The following FAM227B variants were observed in gnomAD, a reference collection of about 807,000 sequenced individuals.
FAM227B encodes protein FAM227B.
In FAM227B, 88 loss-of-function variants were observed where a neutral mutation model predicts 73.8. The ratio of observed to expected loss-of-function variants is 1.19; its 90% CI spans 1.00 to 1.42. The LOEUF is 1.42. Among genes scored for constraint, FAM227B ranks in the 40% most tolerant of loss-of-function variants. The probability of loss-of-function intolerance (pLI) is 0.00; values close to 1 mark genes in which losing one functional copy is unlikely to be tolerated. For missense variants in FAM227B, 632 were observed against 590.9 expected (o/e 1.07, Z -0.72); for synonymous variants, 210 against 190.5 (o/e 1.10, Z -0.84).
chr15:49,434,170 G>C (rs186668249), intron 11 of FAM227B, among the ~76,000 whole-genome samples: 9 of 151,584 alleles, frequency 5.9e-5, no homozygotes, highest in African/African-American at 2.2e-4. Context: ...CATAGGCCTA[G>C]TTTATCTGGT....
intron 14 of FAM227B, 147 bp downstream of exon 14, chr15:49,335,272 T>C: frequency 3.4e-6 from 2 of 585,490 alleles, no homozygotes; most frequent in South Asian, 2.2e-5. Context: ...CCCTTGACAC[T>C]TACCTGAAAA....
At chr15:49,396,692 G>C (rs1370009489) in intron 11 of FAM227B, among the ~76,000 whole-genome samples, 1 of 151,142 alleles carries the variant, frequency 6.6e-6, no homozygotes, top group African/African-American at 2.4e-5. Flanking sequence ...CCTGACCCCT[G>C]ACCCCCGAGC....
intron 11 of FAM227B, among the ~76,000 whole-genome samples, chr15:49,454,845 G>A (rs894427822): frequency 4.6e-5 from 7 of 152,010 alleles, no homozygotes; most frequent in African/African-American, 1.4e-4. Flanking sequence ...TCCTGACCTC[G>A]TGATCCGCTC....
chr15:49,566,760 T>G (rs370552191), intron 9 of FAM227B, among the ~76,000 whole-genome samples: 1 of 152,208 alleles, frequency 6.6e-6, no homozygotes, highest in African/African-American at 2.4e-5. Context: ...AGGAGTCTAA[T>G]CATTAAGTAC....
intron 3 of FAM227B, among the ~76,000 whole-genome samples, chr15:49,592,612 G>T (rs2076649066): frequency 6.6e-6 from 1 of 152,202 alleles, no homozygotes. Context: ...CCCCTACTGG[G>T]AGGTGTCTCC....
rs188604110 is a variant in FAM227B at position 49,524,427 on chromosome 15, C to T, written c.875-16079G>A. Among the ~76,000 whole-genome samples the T allele has an allele frequency of 2.9e-3, 434 of 152,272 alleles. 6 individuals are homozygous for T. The highest frequency in any genetic ancestry group is 0.026 in the South Asian group (127 of 4,820). On this transcript the variant is annotated intron_variant, in intron 10 of 15. Transcript: ENST00000299338. Reference sequence around the variant, plus strand: ...AAGAATTGAGGTTTGGGAACGTCCGCCTAGATTTCATAGGATGTATGGAAA... The same window carrying T: ...AAGAATTGAGGTTTGGGAACGTCCGTCTAGATTTCATAGGATGTATGGAAA...
At chr15:49,490,348 A>G (rs928557509) in intron 11 of FAM227B, among the ~76,000 whole-genome samples, 4 of 151,924 alleles carry the variant, frequency 2.6e-5, no homozygotes, top group African/African-American at 9.7e-5. Flanking sequence ...TCTCAAACAG[A>G]GCAGCCAAAG....
chr15:49,462,797 T>G (rs946901376), intron 11 of FAM227B, among the ~76,000 whole-genome samples: 4 of 152,214 alleles, frequency 2.6e-5, no homozygotes, highest in Non-Finnish European at 5.9e-5. Context: ...TAGTGAAGAC[T>G]TTGGCATGTA....
intron 11 of FAM227B, among the ~76,000 whole-genome samples, chr15:49,499,824 G>T (rs2152085984): frequency 6.6e-6 from 1 of 152,222 alleles, no homozygotes; most frequent in East Asian, 1.9e-4. Context: ...GATTCTTAAT[G>T]TTTATACATA....
chr15:49,398,011 T>G (rs1314691822), intron 11 of FAM227B, among the ~76,000 whole-genome samples: 2 of 152,132 alleles, frequency 1.3e-5, no homozygotes, highest in Non-Finnish European at 2.9e-5. Flanking sequence ...TAACTTTAAA[T>G]GTAAATGGAC....
chr15:49,512,181 T>C (rs1006008869), intron 10 of FAM227B, among the ~76,000 whole-genome samples: 1 of 152,174 alleles, frequency 6.6e-6, no homozygotes, highest in Admixed American at 6.5e-5. Flanking sequence ...TTGATCATAG[T>C]TTCTAATGCA....
intron 6 of FAM227B, chr15:49,577,371 A>G (rs2075521894): frequency 4.8e-6 from 2 of 416,060 alleles, no homozygotes; most frequent in African/African-American, 2.1e-5. Flanking sequence ...GCACATTCAT[A>G]TGTCATATCT....
In FAM227B at chr15:49,570,508, T is replaced by C. The variant is rs35845800; in HGVS notation, c.646-2162A>G. 1.8e-3 allele frequency among the ~76,000 whole-genome samples: 272 copies of C among 152,022 alleles called. 1 individual carries two copies. The highest frequency in any genetic ancestry group is 3.4e-3 in the Non-Finnish European group (230 of 67,828). On this transcript the variant is annotated intron_variant, in intron 8 of 15. Coordinates refer to ENST00000299338, the MANE Select transcript of FAM227B (RefSeq NM_152647.3). ...TTTTAAAAATTTTATCAAATTATTT[T>C]ATCAAATTTGAAATGTATTATTTAT...
Position 49,586,670 on chromosome 15 carries a change from G to A in FAM227B, c.405+1346C>T, listed in dbSNP as rs188741794. ...CAAAGGTCTAATATCCAACTCACAC[G>A]GAACTTAATAAGAAAAAAGCACATA... On this transcript the variant is annotated intron_variant, in intron 5 of 15. Coordinates refer to ENST00000299338, the MANE Select transcript of FAM227B (RefSeq NM_152647.3). 7.9e-5 allele frequency among the ~76,000 whole-genome samples: 12 copies of A among 151,458 alleles called. 1 individual carries two copies. The highest frequency in any genetic ancestry group is 5.8e-4 in the East Asian group (3 of 5,156).
chr15:49,476,232 G>GTTTTTTTTTTTTTTTTTTTTTTTT lies in FAM227B; in HGVS notation c.1012+31978_1012+31979insAAAAAAAAAAAAAAAAAAAAAAAA. On this transcript the variant is annotated intron_variant, in intron 11 of 15. Transcript: ENST00000299338. The stretch of plus-strand genomic sequence containing the variant: ...TTGCTGTTTTGTTTTTTTGTTTTTG[G>GTTTTTTTTTTTTTTTTTTTTTTTT]TTTTTTTTTTTTTGCATTTGGCATA... Among the ~76,000 whole-genome samples, 63 of 57,434 alleles carry GTTTTTTTTTTTTTTTTTTTTTTTT rather than the reference G, an allele frequency of 1.1e-3. 12 individuals carry two copies. The highest frequency in any genetic ancestry group is 1.7e-3 in the Non-Finnish European group (48 of 27,456). 37.7% of individuals were successfully genotyped at this position (57,434 alleles called of 152,430 possible).
At position 49,327,221 on chromosome 15, in the gene FAM227B, A is replaced by T. The variant is rs1490311860; in HGVS notation, c.*1347T>A. 6.6e-6 allele frequency: 1 copy of T among 152,222 alleles called. No individual in the cohort carries two copies. Among genetic ancestry groups the T allele is most frequent in the South Asian group, 2.1e-4 (1 of 4,832 alleles). 9.4% of individuals were successfully genotyped at this position (152,222 alleles called of 1,614,324 possible). A position where few individuals can be genotyped will look rare whatever the true frequency, so the allele number is the denominator to read the frequency against. On this transcript the variant is annotated 3_prime_UTR_variant, in exon 16 of 16. Coordinates refer to ENST00000299338, the MANE Select transcript of FAM227B (RefSeq NM_152647.3). ...AGTTGTTGTCATCCCAATCAGATAT[A>T]TCTCATCTGATGTCAACTTCTGAGT...
intron 13 of FAM227B, chr15:49,366,631 G>A (rs1055480495): frequency 2.1e-5 from 33 of 1,583,292 alleles, no homozygotes; most frequent in Non-Finnish European, 2.7e-5. Flanking sequence ...GCTGGAGCAG[G>A]AAGCCCCAGA....
At chr15:49,483,558 T>A (rs1465386095) in intron 11 of FAM227B, among the ~76,000 whole-genome samples, 2 of 151,996 alleles carry the variant, frequency 1.3e-5, no homozygotes, top group Non-Finnish European at 2.9e-5. Context: ...AAATTTCCAT[T>A]TGCCAGTATT....
intron 6 of FAM227B, chr15:49,577,264 T>G (rs931500076): frequency 2.8e-6 from 1 of 352,018 alleles, no homozygotes; most frequent in Non-Finnish European, 5.6e-6. Flanking sequence ...GCCACTGCAC[T>G]CCAGCCTGGG....
Sources: allele counts gnomAD v4.1 joint callset (sites outside exome capture counted in the v4.1 genomes callset), GRCh38; gene constraint gnomAD v4.1.1; transcripts MANE v1.5; gene names NCBI Gene and HGNC (gene_info 2026-07-23, HGNC 2026-07-21).